Variants in DMD observed in about 807,000 individuals in gnomAD.
DMD encodes the protein mutant dystrophin.
In DMD, 63 loss-of-function variants were observed where a neutral mutation model predicts 330.1. The observed-to-expected ratio is 0.19, with a 90% CI of 0.16 to 0.24. DMD has a LOEUF of 0.24. DMD is among the 10% of genes least tolerant of loss of function. DMD has a pLI of 1.00. For missense variants in DMD, 3,344 were observed against 2,684.1 expected, an observed-to-expected ratio of 1.25 and a Z score of -5.43; for synonymous variants, 1,223 against 959.8, an observed-to-expected ratio of 1.27 and a Z score of -5.07.
At chrX:32,239,825 T>G (rs938485096) in intron 43 of DMD, among the ~76,000 whole-genome samples, 1 of 111,939 alleles carries the variant, frequency 8.9e-6, no homozygotes, top group Non-Finnish European at 1.9e-5. Flanking sequence ...TAAATAACCC[T>G]TATCTTTCTC....
Position 31,281,822 on chromosome X carries a change from T to C in DMD, c.9225-20806A>G, listed in dbSNP as rs371444448. 6.2e-5 allele frequency among the ~76,000 whole-genome samples: 7 copies of C among 112,041 alleles called. No individual in the cohort carries two copies. In the South Asian group the frequency reaches 1.9e-3, roughly 30 times the overall value. ...TATCTAGAAAAGAATCCCGTTCCCATAAAGCTGAGTAACATTTTGGTCAGA... is the reference window on the plus strand; with the variant it reads ...TATCTAGAAAAGAATCCCGTTCCCACAAAGCTGAGTAACATTTTGGTCAGA... On this transcript the variant is annotated intron_variant, in intron 62 of 78. Coordinates refer to ENST00000357033, the MANE Select transcript of DMD (RefSeq NM_004006.3).
intron 42 of DMD, among the ~76,000 whole-genome samples, chrX:32,293,651 T>C (rs1236222859): frequency 8.9e-6 from 1 of 111,893 alleles, no homozygotes; most frequent in African/African-American, 3.2e-5. Context: ...GTATTTGACA[T>C]CAGAGGCTTG....
chrX:33,139,023 G>T (rs1253492434), intron 1 of DMD, among the ~76,000 whole-genome samples: 2 of 111,314 alleles, frequency 1.8e-5, no homozygotes, highest in Non-Finnish European at 3.8e-5. Flanking sequence ...CATAAAACCA[G>T]TCCGGGAGGG....
chrX:32,315,349 C>T (rs73619056), intron 41 of DMD, among the ~76,000 whole-genome samples: 2 of 108,170 alleles, frequency 1.8e-5, no homozygotes, highest in Admixed American at 9.8e-5. Flanking sequence ...AAACATATGG[C>T]CGCAGGGGCC....
At chrX:32,768,703 T>C (rs370993920) in intron 7 of DMD, among the ~76,000 whole-genome samples, 2 of 112,236 alleles carry the variant, frequency 1.8e-5, no homozygotes, top group East Asian at 5.6e-4. Flanking sequence ...ATCTAATGGA[T>C]ATTTTCCTCT....
intron 55 of DMD, among the ~76,000 whole-genome samples, chrX:31,569,593 T>G (rs749503280): frequency 2.0e-5 from 2 of 102,256 alleles, no homozygotes; most frequent in African/African-American, 7.0e-5. Context: ...AAAATATATA[T>G]ATACACATAT....
At chrX:31,952,449 ATTT>A (rs35582598) in intron 45 of DMD, among the ~76,000 whole-genome samples, 32 of 97,030 alleles carry the variant, frequency 3.3e-4, no homozygotes, top group African/African-American at 4.5e-4. Context: ...AAATTTACTG[ATTT>A]TTTTTTTTTT....
rs750431156 is a variant in DMD at position 31,427,966 on chromosome X, T to A, written c.9084+16515A>T. ...CGGTCAACAAGAGAAAGAGAAAGAG[T>A]GGTTTTGAGAATACTGTGGTGTCTG... On this transcript the variant is annotated intron_variant, in intron 60 of 78. Coordinates refer to ENST00000357033, the MANE Select transcript of DMD (RefSeq NM_004006.3). Among the ~76,000 whole-genome samples, 27 of 111,186 alleles carry A rather than the reference T, an allele frequency of 2.4e-4. No homozygotes were observed. The South Asian group carries it at 9.9e-3, about 41-fold the overall frequency.
At chrX:33,151,772 GA>G (rs200987783) in intron 1 of DMD, among the ~76,000 whole-genome samples, 1,829 of 111,288 alleles carry the variant, frequency 0.016, 47 homozygotes, top group African/African-American at 0.057. Flanking sequence ...TATTTCTGAA[GA>G]AAAAAAAGAA....
chrX:31,903,108 G>C, intron 47 of DMD, among the ~76,000 whole-genome samples: 1 of 111,553 alleles, frequency 9.0e-6, no homozygotes, highest in Non-Finnish European at 1.9e-5. Context: ...CATTACAAAA[G>C]TAAAAAACAG....
At chrX:31,429,852 G>C (rs191505226) in intron 60 of DMD, among the ~76,000 whole-genome samples, 43 of 109,466 alleles carry the variant, frequency 3.9e-4, no homozygotes, top group South Asian at 2.8e-3. Flanking sequence ...TGTCTAATTA[G>C]TGTGGTCAAA....
At chrX:31,234,010 G>C (rs2047474610) in intron 63 of DMD, among the ~76,000 whole-genome samples, 1 of 111,972 alleles carries the variant, frequency 8.9e-6, no homozygotes, top group Admixed American at 9.5e-5. Context: ...TTCTCTGGAA[G>C]AACCTGAAGA....
At chrX:33,097,804 C>T (rs771892295) in intron 1 of DMD, among the ~76,000 whole-genome samples, 22 of 108,297 alleles carry the variant, frequency 2.0e-4, no homozygotes, top group Non-Finnish European at 3.8e-4. Context: ...TTAGTAGAGA[C>T]GGGGTTTCAT....
At chrX:32,648,769 A>T (rs192761335) in intron 9 of DMD, among the ~76,000 whole-genome samples, 1,145 of 112,278 alleles carry the variant, frequency 0.01, 13 homozygotes, top group African/African-American at 0.036. Context: ...TAAAGATATA[A>T]AAAGTGGCTT....
At position 33,298,766 on chromosome X, in the gene DMD, T is replaced by TGTTG. The variant is rs2053619850; in HGVS notation, c.7+40489_7+40492dup. Among the ~76,000 whole-genome samples, 3 of 111,763 alleles carry TGTTG rather than the reference T, an allele frequency of 2.7e-5. No individual in the cohort carries two copies. In the Admixed American group the frequency reaches 2.9e-4, roughly 11 times the overall value. On this transcript the variant is annotated intron_variant, in intron 1 of 17. Coordinates refer to the DMD transcript ENST00000288447. ...GATAAAGCAGCCAACTTTTGAGTGT[T>TGTTG]GTTGGTTGATAGGTCTGAGAGAAAA...
At chrX:31,442,347 A>T (rs1161624016) in intron 60 of DMD, among the ~76,000 whole-genome samples, 2 of 111,519 alleles carry the variant, frequency 1.8e-5, no homozygotes, top group Non-Finnish European at 1.9e-5. Context: ...GCTGAGCTTA[A>T]GTTTGAAGTT....
intron 47 of DMD, among the ~76,000 whole-genome samples, chrX:31,885,776 AATAAT>A (rs903970060): frequency 5.4e-5 from 6 of 111,044 alleles, no homozygotes; most frequent in African/African-American, 2.0e-4. Context: ...TTCAATAAGA[AATAAT>A]ATAAATGAAA....
chrX:32,312,327 T>C (rs1402603381), intron 41 of DMD, among the ~76,000 whole-genome samples: 1 of 111,374 alleles, frequency 9.0e-6, no homozygotes, highest in Non-Finnish European at 1.9e-5. Context: ...TAAGATGTTT[T>C]TATCTATTTT....
chrX:31,856,269 T>C (rs1569481154), intron 48 of DMD, among the ~76,000 whole-genome samples: 1 of 111,854 alleles, frequency 8.9e-6, no homozygotes, highest in Admixed American at 9.5e-5. Context: ...ATTTGCAATA[T>C]ATGATAAAAT....
Sources: allele counts gnomAD v4.1 joint callset (sites outside exome capture counted in the v4.1 genomes callset), GRCh38; gene constraint gnomAD v4.1.1; transcripts MANE v1.5; gene names NCBI Gene and HGNC (gene_info 2026-07-23, HGNC 2026-07-21).